The following THSD7A variants were observed in gnomAD, a reference collection of about 807,000 sequenced individuals.
The protein encoded by THSD7A is thrombospondin type-1 domain-containing protein 7A.
Under a neutral mutation model 231.3 loss-of-function variants are expected in THSD7A, and 96 were observed. The ratio of observed to expected loss-of-function variants is 0.41; its 90% CI spans 0.35 to 0.49. The LOEUF (loss-of-function observed/expected upper bound fraction) is 0.49, where lower values mean the gene tolerates loss of function less well. Among genes scored for constraint, THSD7A ranks in the 20% least tolerant of loss-of-function variants. THSD7A has a pLI of 0.05. For synonymous variants in THSD7A, 940 were observed against 743.3 expected (o/e 1.26, Z -4.30); for missense variants, 2,290 against 2,070.2 (o/e 1.11, Z -2.06).
chr7:11,460,983 C>A (rs1192758385), intron 10 of THSD7A, among the ~76,000 whole-genome samples: 1 of 152,184 alleles, frequency 6.6e-6, no homozygotes, highest in Non-Finnish European at 1.5e-5. Flanking sequence ...AAGAGTACAT[C>A]ATTGTCAAGT....
At position 11,474,457 on chromosome 7, in the gene THSD7A, T is replaced by A. The variant is rs578113525; in HGVS notation, c.2129A>T (p.Asp710Val). ...QTGPWGQCIEDTSVSSFNTTT... is the reference protein window; with the variant it reads ...QTGPWGQCIEVTSVSSFNTTT... Reference sequence around the variant, plus strand: ...TGTGTTGAAGGACGATACTGAGGTGTCCTCAATGCACTGGCCCCAGGGACC... The same window carrying A: ...TGTGTTGAAGGACGATACTGAGGTGACCTCAATGCACTGGCCCCAGGGACC... The change falls in exon 8 of 28, where the codon GAC becomes GTC. Residue 710 changes from aspartate to valine, a missense_variant. Physicochemically the swap from Asp to Val is radical, Grantham distance 152 (BLOSUM62 -3). Coordinates refer to ENST00000423059, the MANE Select transcript of THSD7A (RefSeq NM_015204.3). This position sits in a 1 kb window ranked among gnomAD's most constrained non-coding sequence, Gnocchi z 4.1. 6.2e-7 allele frequency: 1 copy of A among 1,613,606 alleles called. No individual in the cohort carries two copies. The highest frequency in any genetic ancestry group is 1.3e-5 in the African/African-American group (1 of 75,022).
In THSD7A at chr7:11,377,786, T is replaced by A. The variant is rs567739948; in HGVS notation, c.4802-1129A>T. ...AAAGAATATCTAAGTTTTCAGAACA[T>A]GCACCTTTTAAATATTTTAAAATTT... On this transcript the variant is annotated intron_variant, in intron 26 of 27. Coordinates refer to ENST00000423059, the MANE Select transcript of THSD7A (RefSeq NM_015204.3). This position sits in a 1 kb window ranked among gnomAD's most constrained non-coding sequence, Gnocchi z 4.5. 6.6e-6 allele frequency: 1 copy of A among 152,198 alleles called. No homozygotes were observed. Among genetic ancestry groups the A allele is most frequent in the East Asian group, 1.9e-4 (1 of 5,180 alleles). 9.4% of individuals were successfully genotyped at this position (152,198 alleles called of 1,614,324 possible). A position where few individuals can be genotyped will look rare whatever the true frequency, so the allele number is the denominator to read the frequency against.
rs142662435 is a variant in THSD7A at position 11,415,973 on chromosome 7, T to C, written c.3537+1477A>G. 3.9e-3 allele frequency among the ~76,000 whole-genome samples: 598 copies of C among 152,360 alleles called. 4 individuals carry two copies. Among genetic ancestry groups the C allele is most frequent in the Non-Finnish European group, 6.9e-3 (467 of 68,034 alleles). On this transcript the variant is annotated intron_variant, in intron 17 of 27. Transcript: ENST00000423059. ...CCACGTGGCAGTGCTGGAGTCTCTC[T>C]GAACCTGTTCTGGTTTGCGAGGCTG...
intron 7 of THSD7A, among the ~76,000 whole-genome samples, chr7:11,477,143 G>A (rs1786224498): frequency 6.6e-6 from 1 of 152,132 alleles, no homozygotes; most frequent in Admixed American, 6.6e-5. Context: ...GTCCTTTACA[G>A]CAAGATGATT....
chr7:11,804,968 A>G (rs1583304934), intron 1 of THSD7A, among the ~76,000 whole-genome samples: 1 of 152,072 alleles, frequency 6.6e-6, no homozygotes, highest in Non-Finnish European at 1.5e-5. Flanking sequence ...ATGAACCCTC[A>G]TATTTTCTAC....
intron 23 of THSD7A, among the ~76,000 whole-genome samples, chr7:11,397,459 TAGA>T (rs1783232074): frequency 6.6e-6 from 1 of 152,120 alleles, no homozygotes; most frequent in Non-Finnish European, 1.5e-5. Flanking sequence ...GTAAAAACCG[TAGA>T]AGAAAACCTA....
At chr7:11,502,817 T>A (rs775988433) in intron 6 of THSD7A, among the ~76,000 whole-genome samples, 3 of 151,966 alleles carry the variant, frequency 2.0e-5, no homozygotes, top group African/African-American at 7.3e-5. Context: ...CACAAACAAA[T>A]GGAAAAACAT....
intron 1 of THSD7A, among the ~76,000 whole-genome samples, chr7:11,824,301 T>C (rs936965798): frequency 6.6e-6 from 1 of 152,034 alleles, no homozygotes; most frequent in Non-Finnish European, 1.5e-5. Context: ...TCCAATACTC[T>C]CTTCACAAAG....
intron 1 of THSD7A, among the ~76,000 whole-genome samples, chr7:11,662,145 T>G (rs1424322625): frequency 6.6e-6 from 1 of 151,290 alleles, no homozygotes; most frequent in African/African-American, 2.4e-5. Context: ...CAAATGTAAG[T>G]TGAATGAATA....
At chr7:11,629,110 G>T (rs1043275399) in intron 2 of THSD7A, among the ~76,000 whole-genome samples, 16 of 152,140 alleles carry the variant, frequency 1.1e-4, no homozygotes, top group African/African-American at 3.9e-4. Flanking sequence ...GACAGGAATA[G>T]TCTCTCTTCC....
At chr7:11,703,157 C>A (rs1780657678) in intron 1 of THSD7A, among the ~76,000 whole-genome samples, 1 of 151,214 alleles carries the variant, frequency 6.6e-6, no homozygotes, top group Admixed American at 6.6e-5. Flanking sequence ...AGTGAGCCAG[C>A]ACGTGTGTTG....
rs1782217300 is a variant in THSD7A, at chr7:11,375,216, T to C, written c.*578A>G. 1 of 152,022 alleles carries C rather than the reference T, an allele frequency of 6.6e-6. No individual in the cohort carries two copies. Among genetic ancestry groups the C allele is most frequent in the Non-Finnish European group, 1.5e-5 (1 of 67,960 alleles). 9.4% of individuals were successfully genotyped at this position (152,022 alleles called of 1,614,324 possible). ...TAAAAAAGAGGCTTTGTCTCTGAAA[T>C]GCAGGTCAATAAAATCTACCATCGA... On this transcript the variant is annotated 3_prime_UTR_variant, in exon 28 of 28. Transcript: ENST00000423059.
intron 6 of THSD7A, among the ~76,000 whole-genome samples, chr7:11,501,455 T>C (rs1439233089): frequency 6.6e-6 from 1 of 152,042 alleles, no homozygotes; most frequent in Non-Finnish European, 1.5e-5. Context: ...ACAATAAAAA[T>C]AGAAATCAAC....
In THSD7A at chr7:11,657,132, C is replaced by G. The variant is rs1478024523; in HGVS notation, c.191-20171G>C. Among the ~76,000 whole-genome samples the G allele has an allele frequency of 4.0e-5, 6 of 151,706 alleles. No individual in the cohort carries two copies. The East Asian group carries it at 1.2e-3, about 30-fold the overall frequency. ...AAATTATAGCTCTTTGCCATGTATCCTATTAATATTGAATATGTATACATA... is the reference window on the plus strand; with the variant it reads ...AAATTATAGCTCTTTGCCATGTATCGTATTAATATTGAATATGTATACATA... On this transcript the variant is annotated intron_variant, in intron 1 of 27. Coordinates refer to ENST00000423059, the MANE Select transcript of THSD7A (RefSeq NM_015204.3).
intron 1 of THSD7A, among the ~76,000 whole-genome samples, chr7:11,795,348 G>A (rs557600304): frequency 6.6e-6 from 1 of 151,974 alleles, no homozygotes; most frequent in East Asian, 1.9e-4. Flanking sequence ...ATAACCCCGA[G>A]CTCTACCCCT....
chr7:11,772,614 G>A (rs113194120), intron 1 of THSD7A, among the ~76,000 whole-genome samples: 24 of 152,198 alleles, frequency 1.6e-4, no homozygotes, highest in African/African-American at 5.3e-4. Flanking sequence ...ATGCAGAAAT[G>A]GAAAACCACA....
intron 23 of THSD7A, 58 bp from the exon 24 acceptor site, chr7:11,382,674 G>T: frequency 8.0e-7 from 1 of 1,250,596 alleles, no homozygotes; most frequent in Admixed American, 1.8e-5. Flanking sequence ...GGACAATCAT[G>T]GGGATAGAGT....
chr7:11,398,906 A>T (rs1783293926), intron 23 of THSD7A, among the ~76,000 whole-genome samples: 1 of 152,178 alleles, frequency 6.6e-6, no homozygotes, highest in Non-Finnish European at 1.5e-5. Context: ...TCAAAGGCTC[A>T]TCTTGAGACC....
At chr7:11,379,339 G>C in intron 25 of THSD7A, 59 bp from the exon 26 acceptor site, 4 of 1,541,640 alleles carry the variant, frequency 2.6e-6, no homozygotes, top group Non-Finnish European at 3.6e-6. Context: ...AAGTCTAACA[G>C]ACCTGACTTG....
Sources: gnomAD v4.1 joint callset for allele counts (sites outside exome capture counted in the v4.1 genomes callset) on GRCh38, gnomAD v4.1.1 for gene constraint, Gnocchi (gnomAD v3.1) non-coding constraint, MANE v1.5 for transcripts, NCBI Gene and HGNC (gene_info 2026-07-23, HGNC 2026-07-21) for gene names.